The following PDE3B variants were observed in gnomAD, a reference collection of about 807,000 sequenced individuals.
PDE3B encodes phosphodiesterase 3B, also known as cGMP-inhibited 3',5'-cyclic phosphodiesterase 3B.
In PDE3B, 66 loss-of-function variants were observed where a neutral mutation model predicts 116.8. The observed-to-expected ratio is 0.56, with a 90% CI of 0.46 to 0.69. PDE3B has a LOEUF of 0.69. Among genes scored for constraint, PDE3B ranks in the 30% least tolerant of loss-of-function variants. The pLI is 0.00. For missense variants in PDE3B, 1,384 were observed against 1,368.1 expected, an observed-to-expected ratio of 1.01 and a Z score of -0.18; for synonymous variants, 595 against 533.6, an observed-to-expected ratio of 1.12 and a Z score of -1.59.
chr11:14,776,598 A>G (rs1460373552), intron 2 of PDE3B: 2 of 152,108 alleles, frequency 1.3e-5, no homozygotes, highest in East Asian at 3.9e-4. Context: ...ACTAACCTGC[A>G]CAATGTGCAC....
chr11:14,659,374 T>C (rs1427269716), intron 1 of PDE3B, among the ~76,000 whole-genome samples: 1 of 152,250 alleles, frequency 6.6e-6, no homozygotes, highest in Non-Finnish European at 1.5e-5. Flanking sequence ...TTTCAGTGCT[T>C]AGACTGCACT....
rs553509042 is a variant in PDE3B at position 14,725,724 on chromosome 11, C to A, written c.979-46213C>A. Among the ~76,000 whole-genome samples the A allele has an allele frequency of 5.3e-5, 8 of 149,740 alleles. No individual in the cohort carries two copies. In the South Asian group the frequency reaches 1.7e-3, roughly 32 times the overall value. ...TTAACATTTGTGCTCAATATGATTA[C>A]TTCAATTATATGCACTATTTCTTTA... On this transcript the variant is annotated intron_variant, in intron 1 of 15. Transcript: ENST00000282096.
At chr11:14,836,189 CTTTT>C (rs1311603352) in intron 11 of PDE3B, among the ~76,000 whole-genome samples, 2 of 152,046 alleles carry the variant, frequency 1.3e-5, no homozygotes, top group Non-Finnish European at 2.9e-5. Flanking sequence ...TTTTCTTCAA[CTTTT>C]TTGTTTTAGC....
At chr11:14,714,419 C>T (rs182138140) in intron 1 of PDE3B, among the ~76,000 whole-genome samples, 18 of 151,654 alleles carry the variant, frequency 1.2e-4, no homozygotes, top group Non-Finnish European at 2.1e-4. Context: ...CAGTGCCTGT[C>T]GTCCCAGCTA....
rs1423902000 is a variant in PDE3B, at chr11:14,868,844, T to TC, written c.3140-612dup. ...GTTGACTGACTTCTAAAAATTATACTCCCCCATCTCTACTAAAAATACAAA... is the reference window on the plus strand; with the variant it reads ...GTTGACTGACTTCTAAAAATTATACTCCCCCCATCTCTACTAAAAATACAAA... On this transcript the variant is annotated intron_variant, in intron 15 of 15. Transcript: ENST00000282096. Among the ~76,000 whole-genome samples, 6 of 151,250 alleles carry TC rather than the reference T, an allele frequency of 4.0e-5. No individual in the cohort carries two copies. In the South Asian group the frequency reaches 6.3e-4, roughly 16 times the overall value.
At chr11:14,694,405 T>G (rs1041213576) in intron 1 of PDE3B, among the ~76,000 whole-genome samples, 1 of 152,278 alleles carries the variant, frequency 6.6e-6, no homozygotes, top group African/African-American at 2.4e-5. Flanking sequence ...TGTCTTGTTT[T>G]AAGAAATTGC....
At chr11:14,818,089 A>G in intron 5 of PDE3B, 94 bp from the exon 6 acceptor site, 1 of 816,480 alleles carries the variant, frequency 1.2e-6, no homozygotes, top group Non-Finnish European at 1.9e-6. Context: ...TTTTTAAATA[A>G]GGAAAAAATC....
chr11:14,753,545 G>A (rs1022341931), intron 1 of PDE3B, among the ~76,000 whole-genome samples: 1 of 152,016 alleles, frequency 6.6e-6, no homozygotes, highest in African/African-American at 2.4e-5. Context: ...GAATCCAATA[G>A]CTTTGATTTC....
At chr11:14,712,750 C>T (rs1030632869) in intron 1 of PDE3B, among the ~76,000 whole-genome samples, 2 of 152,168 alleles carry the variant, frequency 1.3e-5, no homozygotes, top group African/African-American at 4.8e-5. Context: ...GTTGGGATTA[C>T]AGGCATGAGC....
At chr11:14,646,165 A>G (rs1159492460) in intron 1 of PDE3B, among the ~76,000 whole-genome samples, 1 of 152,216 alleles carries the variant, frequency 6.6e-6, no homozygotes, top group Non-Finnish European at 1.5e-5. Context: ...GATTAGTGAT[A>G]TGCTTTACAC....
intron 12 of PDE3B, among the ~76,000 whole-genome samples, chr11:14,850,838 T>G (rs1847731983): frequency 6.6e-6 from 1 of 152,172 alleles, no homozygotes; most frequent in Non-Finnish European, 1.5e-5. Flanking sequence ...TTGCTTTGTT[T>G]TGTTTTTTGA....
At chr11:14,894,153 AGAATAT>A in the PDE3B span, among the ~76,000 whole-genome samples, 1 of 152,244 alleles carries the variant, frequency 6.6e-6, no homozygotes, top group African/African-American at 2.4e-5. Flanking sequence ...CTGCAGCCAC[AGAATAT>A]CTACCTACTG....
intron 1 of PDE3B, among the ~76,000 whole-genome samples, chr11:14,649,162 C>T (rs1486273122): frequency 3.3e-5 from 5 of 152,162 alleles, no homozygotes; most frequent in Admixed American, 2.6e-4. Flanking sequence ...AGACTCTGTC[C>T]TCCTCAGTGG....
chr11:14,752,228 T>G (rs1857075062), intron 1 of PDE3B, among the ~76,000 whole-genome samples: 1 of 152,212 alleles, frequency 6.6e-6, no homozygotes, highest in African/African-American at 2.4e-5. Context: ...GACTAAGAAC[T>G]TGGAGTGACT....
At chr11:14,879,668 T>C in the PDE3B span, among the ~76,000 whole-genome samples, 5 of 152,054 alleles carry the variant, frequency 3.3e-5, 1 homozygote, top group African/African-American at 1.2e-4. Context: ...CAATAGGATA[T>C]AGATACATCC....
At chr11:14,857,036 T>G (rs1555006296) in intron 12 of PDE3B, among the ~76,000 whole-genome samples, 1 of 152,220 alleles carries the variant, frequency 6.6e-6, no homozygotes, top group East Asian at 1.9e-4. Flanking sequence ...TGTTCTTATT[T>G]AAGTGTTACT....
chr11:14,648,576 A>G (rs1554976045), intron 1 of PDE3B, among the ~76,000 whole-genome samples: 2 of 152,038 alleles, frequency 1.3e-5, no homozygotes, highest in Non-Finnish European at 2.9e-5. Flanking sequence ...TAATAATTTT[A>G]TACTTTATTT....
chr11:14,790,160 G>A (rs1273545517), intron 4 of PDE3B, among the ~76,000 whole-genome samples: 1 of 151,826 alleles, frequency 6.6e-6, no homozygotes, highest in Non-Finnish European at 1.5e-5. Context: ...ATTCTTAGGT[G>A]GTTTATTAAT....
chr11:14,835,930 C>CAT (rs1860038979), intron 11 of PDE3B, among the ~76,000 whole-genome samples: 1 of 152,172 alleles, frequency 6.6e-6, no homozygotes, highest in African/African-American at 2.4e-5. Context: ...ATTGCACTGA[C>CAT]ATATATCAAG....
Sources: gnomAD v4.1 joint callset for allele counts (sites outside exome capture counted in the v4.1 genomes callset) on GRCh38, gnomAD v4.1.1 for gene constraint, MANE v1.5 for transcripts, NCBI Gene and HGNC (gene_info 2026-07-23, HGNC 2026-07-21) for gene names.